The following BRINP3 variants were observed in gnomAD, a reference collection of about 807,000 sequenced individuals.
BRINP3 encodes the protein BMP/retinoic acid-inducible neural-specific protein 3.
A neutral mutation model predicts 71.0 loss-of-function variants in BRINP3; 19 were observed. The observed-to-expected ratio is 0.27, with a 90% CI of 0.19 to 0.39. BRINP3 has a LOEUF of 0.39. Among genes scored for constraint, BRINP3 ranks in the 10% least tolerant of loss-of-function variants. The probability of loss-of-function intolerance (pLI) is 1.00; values close to 1 mark genes in which losing one functional copy is unlikely to be tolerated. For missense variants in BRINP3, 959 were observed against 940.8 expected, an observed-to-expected ratio of 1.02 and a Z score of -0.25; for synonymous variants, 380 against 337.7, an observed-to-expected ratio of 1.13 and a Z score of -1.37.
At chr1:190,199,059 G>C (rs2102603175) in intron 6 of BRINP3, among the ~76,000 whole-genome samples, 1 of 152,138 alleles carries the variant, frequency 6.6e-6, no homozygotes, top group African/African-American at 2.4e-5. Context: ...AGTCAAAGAA[G>C]CAAAGACACA....
chr1:190,469,890 T>G (rs774337876), intron 1 of BRINP3, among the ~76,000 whole-genome samples: 2 of 151,164 alleles, frequency 1.3e-5, no homozygotes, highest in Non-Finnish European at 3.0e-5. Context: ...TTGAATAAAC[T>G]CATGCTTTAA....
chr1:190,372,350 G>T (rs114267714), intron 2 of BRINP3, among the ~76,000 whole-genome samples: 1,563 of 152,216 alleles, frequency 0.01, 26 homozygotes, highest in African/African-American at 0.035. Flanking sequence ...ATCCTGCAAT[G>T]AACCATCCTG....
At chr1:190,437,654 A>G (rs1026292279) in intron 2 of BRINP3, among the ~76,000 whole-genome samples, 4 of 151,792 alleles carry the variant, frequency 2.6e-5, no homozygotes, top group African/African-American at 9.7e-5. Flanking sequence ...GATTGTCTTG[A>G]TGTGATTTGG....
chr1:190,179,018 A>T (rs745483681), intron 6 of BRINP3, among the ~76,000 whole-genome samples: 18 of 152,162 alleles, frequency 1.2e-4, no homozygotes, highest in Admixed American at 3.9e-4. Context: ...CCTTTCTTTT[A>T]TTACAATGTC....
At chr1:190,323,520 C>T (rs1666383518) in intron 2 of BRINP3, among the ~76,000 whole-genome samples, 1 of 151,030 alleles carries the variant, frequency 6.6e-6, no homozygotes, top group South Asian at 2.1e-4. Context: ...TTAATTTTTT[C>T]ATCTAATGAG....
At chr1:190,461,540 G>A (rs1676399450) in intron 1 of BRINP3, among the ~76,000 whole-genome samples, 2 of 151,842 alleles carry the variant, frequency 1.3e-5, no homozygotes, top group Admixed American at 6.6e-5. Context: ...ATTAATTTTG[G>A]GAGAAAAATA....
At chr1:190,410,343 G>A (rs1315896105) in intron 2 of BRINP3, among the ~76,000 whole-genome samples, 1 of 151,976 alleles carries the variant, frequency 6.6e-6, no homozygotes, top group East Asian at 1.9e-4. Context: ...ATGGAGACTG[G>A]GGGGAAAGGT....
chr1:190,413,112 C>A (rs982129033), intron 2 of BRINP3, among the ~76,000 whole-genome samples: 1 of 151,966 alleles, frequency 6.6e-6, no homozygotes, highest in African/African-American at 2.4e-5. Flanking sequence ...TATTCAAATC[C>A]TTTTATAAAC....
chr1:190,373,976 G>A lies in BRINP3; in HGVS notation c.236+80679C>T, dbSNP rs557140310. 7.5e-4 allele frequency among the ~76,000 whole-genome samples: 114 copies of A among 151,282 alleles called. 1 individual carries two copies. Among genetic ancestry groups the A allele is most frequent in the Non-Finnish European group, 1.4e-3 (92 of 67,838 alleles). ...CCCAAGAAGCTATTACTGCTCTGGA[G>A]CCAATTGCACAGGGTTTGAATCCTA... On this transcript the variant is annotated intron_variant, in intron 2 of 7. Transcript: ENST00000367462.
chr1:190,206,756 G>T (rs530294427), intron 6 of BRINP3, among the ~76,000 whole-genome samples: 28 of 152,086 alleles, frequency 1.8e-4, no homozygotes, highest in African/African-American at 4.8e-4. Context: ...ATGGTTAAGG[G>T]TTTAGAAATT....
chr1:190,179,214 G>A (rs956184811), intron 6 of BRINP3, among the ~76,000 whole-genome samples: 1 of 152,030 alleles, frequency 6.6e-6, no homozygotes, highest in Admixed American at 6.6e-5. Flanking sequence ...TTTAGCTAGT[G>A]GCTTTCTGGA....
At chr1:190,356,042 T>A (rs1460008538) in intron 2 of BRINP3, among the ~76,000 whole-genome samples, 2 of 151,986 alleles carry the variant, frequency 1.3e-5, no homozygotes, top group East Asian at 3.9e-4. Context: ...ATCTGTTCAA[T>A]AGGTGTCAGT....
chr1:190,121,665 A>G (rs749182797), intron 7 of BRINP3, among the ~76,000 whole-genome samples: 7 of 152,200 alleles, frequency 4.6e-5, no homozygotes, highest in Non-Finnish European at 8.8e-5. Flanking sequence ...AAGTTTAGGC[A>G]GTAAGTTCTT....
chr1:190,146,226 G>T (rs191674641), intron 7 of BRINP3, among the ~76,000 whole-genome samples: 77 of 152,164 alleles, frequency 5.1e-4, no homozygotes, highest in South Asian at 3.1e-3. Flanking sequence ...GAGCATAAAA[G>T]TTCACTTAAA....
intron 2 of BRINP3, among the ~76,000 whole-genome samples, chr1:190,287,856 A>G (rs1663553882): frequency 6.7e-6 from 1 of 148,532 alleles, no homozygotes; most frequent in Non-Finnish European, 1.5e-5. Flanking sequence ...GTTATATTTT[A>G]GGGCTTTGAA....
rs117054048 is a variant in BRINP3 at position 190,339,521 on chromosome 1, G to A, written c.237-57771C>T. Among the ~76,000 whole-genome samples, 143 of 151,966 alleles carry A rather than the reference G, an allele frequency of 9.4e-4. 1 individual carries two copies. The East Asian group carries it at 0.018, about 19-fold the overall frequency. On this transcript the variant is annotated intron_variant, in intron 2 of 7. Transcript: ENST00000367462. ...ATTGAAGGTCAGGCAGATAAATTAC[G>A]TTAAACCAGTAAATTAAAATCCCTG...
At chr1:190,450,459 T>C (rs1675532666) in intron 2 of BRINP3, among the ~76,000 whole-genome samples, 1 of 152,180 alleles carries the variant, frequency 6.6e-6, no homozygotes, top group African/African-American at 2.4e-5. Flanking sequence ...ATTTATACAG[T>C]ATTTTAATAG....
In BRINP3 at chr1:190,149,832, T is replaced by C. The variant is rs1179445509; in HGVS notation, c.1184+10836A>G. 2.6e-5 allele frequency among the ~76,000 whole-genome samples: 4 copies of C among 152,182 alleles called. No homozygotes were observed. In the East Asian group the frequency reaches 7.7e-4, roughly 29 times the overall value. ...TCCTTTGAGGAGCCTACATGAATTC[T>C]TCCTGCTGAGCTTAATACAACCACC... On this transcript the variant is annotated intron_variant, in intron 7 of 7. Coordinates refer to ENST00000367462, the MANE Select transcript of BRINP3 (RefSeq NM_199051.3).
chr1:190,172,793 C>G (rs1398470480), intron 6 of BRINP3, among the ~76,000 whole-genome samples: 1 of 152,056 alleles, frequency 6.6e-6, no homozygotes, highest in African/African-American at 2.4e-5. Context: ...ATAGCCTTTC[C>G]CAAAATGCAG....
Sources: allele counts gnomAD v4.1 joint callset (sites outside exome capture counted in the v4.1 genomes callset), GRCh38; gene constraint gnomAD v4.1.1; transcripts MANE v1.5; gene names NCBI Gene and HGNC (gene_info 2026-07-23, HGNC 2026-07-21).